TIAM1: variants seen among roughly 807,000 people sequenced by gnomAD.
TIAM1 encodes the protein rho guanine nucleotide exchange factor TIAM1.
Under a neutral mutation model 163.5 loss-of-function variants are expected in TIAM1, and 65 were observed. The observed-to-expected ratio is 0.40, with a 90% CI of 0.33 to 0.49. TIAM1 has a LOEUF of 0.49. Ranked by LOEUF, TIAM1 falls within the 20% of genes least tolerant of loss-of-function variation. TIAM1 has a pLI of 0.77. For synonymous variants in TIAM1, 833 were observed against 810.1 expected, an observed-to-expected ratio of 1.03 and a Z score of -0.48; for missense variants, 1,789 against 2,044.7, an observed-to-expected ratio of 0.87 and a Z score of 2.41.
chr21:31,293,761 T>C (rs1196022179), intron 2 of TIAM1, among the ~76,000 whole-genome samples: 12 of 152,206 alleles, frequency 7.9e-5, no homozygotes, highest in Admixed American at 7.2e-4. Context: ...TCAAGACAAT[T>C]GCAACCATCC....
chr21:31,343,961 C>T (rs2076093925), intron 1 of TIAM1, among the ~76,000 whole-genome samples, 177 bp downstream of exon 1: 1 of 152,230 alleles, frequency 6.6e-6, no homozygotes. Context: ...AGCTTGGAGA[C>T]GCGCTTGCTC....
At chr21:31,550,752 A>G (rs2048656882) in intron 1 of TIAM1, among the ~76,000 whole-genome samples, 1 of 152,228 alleles carries the variant, frequency 6.6e-6, no homozygotes, top group Non-Finnish European at 1.5e-5. Flanking sequence ...CTGCTGACGG[A>G]GCTGGGGGTA....
At position 31,187,087 on chromosome 21, in the gene TIAM1, C is replaced by T. The variant is rs1218411676; in HGVS notation, c.2576G>A (p.Gly859Glu). ...EKSDTAADTY[G>E]FSLSSVEEDG... ...TTCTTCCACAGAAGAAAGTGAAAAC[C>T]CTGTGAAACACAAAAAGACAGAATG... Residue 859 changes from glycine (G) to glutamate (E), a missense_variant and splice_region_variant, in exon 14 of 28, where the codon GGG (glycine) becomes GAG (glutamate). Physicochemically the swap from Gly to Glu is moderately conservative, Grantham distance 98. Transcript: ENST00000541036. 4 of 1,613,956 alleles carry T rather than the reference C, an allele frequency of 2.5e-6. No individual in the cohort carries two copies. Among genetic ancestry groups the T allele is most frequent in the Non-Finnish European group, 3.4e-6 (4 of 1,179,920 alleles).
At chr21:31,280,183 C>T (rs11088165) in intron 2 of TIAM1, among the ~76,000 whole-genome samples, 32,206 of 152,054 alleles carry the variant, frequency 0.21, 4,227 homozygotes, top group East Asian at 0.4. Context: ...TTTGGCAGTG[C>T]CCCCACCCAA....
At chr21:31,134,591 A>C (rs1368903544) in intron 23 of TIAM1, among the ~76,000 whole-genome samples, 1 of 151,824 alleles carries the variant, frequency 6.6e-6, no homozygotes, top group Non-Finnish European at 1.5e-5. Context: ...GCTCACTACA[A>C]CCTCTGCCTC....
intron 16 of TIAM1, chr21:31,160,884 A>C: frequency 1.7e-5 from 3 of 173,902 alleles, no homozygotes; most frequent in Non-Finnish European, 3.6e-5. Context: ...AAAGCACAAA[A>C]TGCCTCCCCG....
rs1474819090 is a variant in TIAM1 at position 31,118,619 on chromosome 21, G to T, written c.*1749C>A. 2.1e-6 allele frequency: 1 copy of T among 471,314 alleles called. No homozygotes were observed. 29.2% of individuals were successfully genotyped at this position (471,314 alleles called of 1,614,324 possible). ...CCGAGTGTTTTCAGATGGATGTGTT[G>T]CACTGGAGCCAGTAAATGCGACGAT... On this transcript the variant is annotated 3_prime_UTR_variant, in exon 28 of 28. Coordinates refer to ENST00000541036, the MANE Select transcript of TIAM1 (RefSeq NM_001353694.2).
intron 7 of TIAM1, among the ~76,000 whole-genome samples, chr21:31,225,035 T>TAG (rs1769522448): frequency 1.3e-5 from 2 of 152,094 alleles, no homozygotes; most frequent in African/African-American, 4.8e-5. Flanking sequence ...TATCTATATA[T>TAG]ATAGAGAGAG....
intron 1 of TIAM1, among the ~76,000 whole-genome samples, chr21:31,514,806 G>A (rs1490007219): frequency 6.6e-6 from 1 of 152,226 alleles, no homozygotes; most frequent in East Asian, 1.9e-4. Flanking sequence ...TGCTGATGCA[G>A]CTGCGCTGCC....
chr21:31,153,712 C>CATATAT lies in TIAM1; in HGVS notation c.3171+529_3171+534dup, dbSNP rs10547949. 6.9e-3 allele frequency among the ~76,000 whole-genome samples: 1,038 copies of CATATAT among 150,360 alleles called. 10 individuals are homozygous for CATATAT. Among genetic ancestry groups the CATATAT allele is most frequent in the African/African-American group, 0.022 (915 of 41,124 alleles). On this transcript the variant is annotated intron_variant, in intron 17 of 27. Transcript: ENST00000541036. Reference sequence around the variant, plus strand: ...TTTCTTATTAGGTCAACAACACATACATATATATATATATATAAATGAATT... The same window carrying CATATAT: ...TTTCTTATTAGGTCAACAACACATACATATATATATATATATATATATAAATGAATT...
chr21:31,501,659 G>T (rs1262816574), intron 1 of TIAM1, among the ~76,000 whole-genome samples: 1 of 152,130 alleles, frequency 6.6e-6, no homozygotes, highest in African/African-American at 2.4e-5. Context: ...CTGGAGTGCA[G>T]TGGCGCGATC....
intron 2 of TIAM1, among the ~76,000 whole-genome samples, chr21:31,388,667 A>T (rs1285628224): frequency 1.2e-5 from 1 of 86,322 alleles, no homozygotes; most frequent in Admixed American, 9.6e-5. Flanking sequence ...CTTAAAAAAT[A>T]AAAAAAAAAA....
At chr21:31,207,450 T>G (rs140108506) in intron 11 of TIAM1, among the ~76,000 whole-genome samples, 1 of 152,052 alleles carries the variant, frequency 6.6e-6, no homozygotes, top group Non-Finnish European at 1.5e-5. Flanking sequence ...ATAACAATAA[T>G]GAAACAAAAG....
At chr21:31,414,494 G>A (rs1460589883) in intron 2 of TIAM1, among the ~76,000 whole-genome samples, 2 of 152,138 alleles carry the variant, frequency 1.3e-5, no homozygotes, top group African/African-American at 4.8e-5. Flanking sequence ...AGATGGAGGT[G>A]GGAGCAACGG....
intron 1 of TIAM1, among the ~76,000 whole-genome samples, chr21:31,512,029 T>A (rs530994509): frequency 6.6e-6 from 1 of 152,276 alleles, no homozygotes; most frequent in Non-Finnish European, 1.5e-5. Context: ...ACAAAAACGT[T>A]GACAAGACAT....
chr21:31,384,596 C>G (rs1012281327), intron 2 of TIAM1, among the ~76,000 whole-genome samples: 1 of 151,980 alleles, frequency 6.6e-6, no homozygotes, highest in Non-Finnish European at 1.5e-5. Flanking sequence ...AGAAAGAAAG[C>G]TTTCCCAACC....
intron 1 of TIAM1, among the ~76,000 whole-genome samples, chr21:31,472,784 G>A (rs547957006): frequency 6.6e-6 from 1 of 152,250 alleles, no homozygotes; most frequent in African/African-American, 2.4e-5. Flanking sequence ...GTTAAATGGG[G>A]ATAATAACAG....
At chr21:31,437,267 G>A (rs936374013) in intron 2 of TIAM1, among the ~76,000 whole-genome samples, 6 of 151,970 alleles carry the variant, frequency 3.9e-5, no homozygotes, top group South Asian at 2.1e-4. Flanking sequence ...ACTGGTGCAC[G>A]CTTGTAATCC....
chr21:31,320,916 T>A (rs2075288561), intron 2 of TIAM1, among the ~76,000 whole-genome samples: 1 of 151,666 alleles, frequency 6.6e-6, no homozygotes, highest in Non-Finnish European at 1.5e-5. Flanking sequence ...TGCTTGAACC[T>A]GGGAGGTGGA....
Sources: gnomAD v4.1 joint callset for allele counts (sites outside exome capture counted in the v4.1 genomes callset) on GRCh38, gnomAD v4.1.1 for gene constraint, MANE v1.5 for transcripts, NCBI Gene and HGNC (gene_info 2026-07-23, HGNC 2026-07-21) for gene names.